Variants in TMEM207 observed in about 807,000 individuals in gnomAD.
TMEM207 encodes transmembrane protein 207.
In TMEM207, 15 loss-of-function variants were observed where a neutral mutation model predicts 17.4. The observed-to-expected ratio is 0.86, with a 90% confidence interval of 0.58 to 1.33. The LOEUF is 1.33. TMEM207 is among the 40% of genes most tolerant of loss of function. TMEM207 has a pLI of 0.00. For missense variants in TMEM207, 205 were observed against 173.8 expected, an observed-to-expected ratio of 1.18 and a Z score of -1.01; for synonymous variants, 70 against 65.6, an observed-to-expected ratio of 1.07 and a Z score of -0.33.
chr3:190,434,536 T>G (rs562900230), intron 4 of TMEM207, among the ~76,000 whole-genome samples: 99 of 152,316 alleles, frequency 6.5e-4, no homozygotes, highest in African/African-American at 2.3e-3. Flanking sequence ...CTATTTATTT[T>G]GTAAATCGCT....
At chr3:190,442,341 A>C (rs897470082) in intron 2 of TMEM207, among the ~76,000 whole-genome samples, 11 of 152,204 alleles carry the variant, frequency 7.2e-5, no homozygotes, top group Non-Finnish European at 8.8e-5. Flanking sequence ...ATACTTAATC[A>C]TATCTTCTTC....
intron 2 of TMEM207, among the ~76,000 whole-genome samples, chr3:190,441,722 A>G (rs1334894262): frequency 6.6e-6 from 1 of 152,222 alleles, no homozygotes; most frequent in Non-Finnish European, 1.5e-5. Flanking sequence ...AAACAGATAA[A>G]TGCATTATAA....
At chr3:190,431,351 T>C (rs919932508) in intron 4 of TMEM207, among the ~76,000 whole-genome samples, 4 of 152,114 alleles carry the variant, frequency 2.6e-5, no homozygotes. Flanking sequence ...ATTATTACAA[T>C]ATGTCAAGAG....
chr3:190,429,682 T>A lies in TMEM207; in HGVS notation c.354A>T (p.Gln118His), dbSNP rs1719647962. ...CAGGAACAGGATATAGGTCAGGGGT[T>A]TGAGTTTGAAGGTGAATTCCAACAG... ...SPTVGIHLQT[Q>H]TPDLYPVPAP... is the part of the protein sequence containing the mutation. Residue 118 changes from glutamine to histidine, a missense_variant, in exon 5 of 5, where the codon CAA (glutamine) becomes CAT (histidine). Gln to His is a conservative substitution (Grantham distance 24). Coordinates refer to ENST00000354905, the MANE Select transcript of TMEM207 (RefSeq NM_207316.3). The A allele has an allele frequency of 1.1e-5, 17 of 1,612,616 alleles. No homozygotes were observed. Among genetic ancestry groups the A allele is most frequent in the Non-Finnish European group, 1.4e-5 (17 of 1,179,338 alleles).
intron 4 of TMEM207, among the ~76,000 whole-genome samples, chr3:190,436,296 T>C (rs567845319): frequency 1.0e-3 from 158 of 152,352 alleles, no homozygotes; most frequent in Admixed American, 4.0e-3. Context: ...CCACATTCTG[T>C]ATTCAGTGGG....
In TMEM207 at chr3:190,449,736, T is replaced by G; in HGVS notation, c.74A>C (p.Gln25Pro). The G allele has an allele frequency of 6.2e-7, 1 of 1,613,720 alleles. No individual in the cohort carries two copies. Among genetic ancestry groups the G allele is most frequent in the African/African-American group, 1.3e-5 (1 of 75,014 alleles). Residue 25 changes from glutamine (Q) to proline (P), a missense_variant and splice_region_variant, in exon 1 of 5, where the codon CAG (glutamine) becomes CCG (proline). By Grantham distance (76) the Gln-to-Pro change is moderately conservative. Coordinates refer to ENST00000354905, the MANE Select transcript of TMEM207 (RefSeq NM_207316.3). ...TAACCCAGAAAGAGAGATAGTTACC[T>G]GGAATAGCGGCAAACACAAGATCCC... Reference protein sequence around the residue: ...TIGILCLPLFQLVLSDLPCEE... With the variant: ...TIGILCLPLFPLVLSDLPCEE...
Position 190,440,358 on chromosome 3 carries a change from G to C in TMEM207, c.190C>G (p.Leu64Val). 2 of 1,612,572 alleles carry C rather than the reference G, an allele frequency of 1.2e-6. No homozygotes were observed. Among genetic ancestry groups the C allele is most frequent in the Non-Finnish European group, 8.5e-7 (1 of 1,179,622 alleles). Reference sequence around the variant, plus strand: ...CAGAGGACCACAGCTCCACAGAGAAGAGCTGCCACCAAAACCAGCAGCAGG... The same window carrying C: ...CAGAGGACCACAGCTCCACAGAGAACAGCTGCCACCAAAACCAGCAGCAGG... ...ILLLLVLVAA[L>V]LCGAVVLCLQ... The change falls in exon 4 of 5, where the codon CTT (leucine) becomes GTT (valine). Residue 64 changes from leucine to valine, a missense_variant. By Grantham distance (32) the Leu-to-Val change is conservative. Coordinates refer to ENST00000354905, the MANE Select transcript of TMEM207 (RefSeq NM_207316.3).
At chr3:190,441,036 T>A (rs1052056781) in intron 3 of TMEM207, among the ~76,000 whole-genome samples, 2 of 151,888 alleles carry the variant, frequency 1.3e-5, no homozygotes, top group Admixed American at 1.3e-4. Flanking sequence ...GCCACTGCAC[T>A]GCAGCCTGGG....
chr3:190,432,877 G>A (rs796580981), intron 4 of TMEM207, among the ~76,000 whole-genome samples: 66 of 152,218 alleles, frequency 4.3e-4, no homozygotes, highest in African/African-American at 1.5e-3. Flanking sequence ...ATTATCAAGC[G>A]ATCAGCCCCA....
intron 3 of TMEM207, 81 bp from the exon 4 acceptor site, chr3:190,440,470 G>A: frequency 7.4e-7 from 1 of 1,359,182 alleles, no homozygotes; most frequent in Non-Finnish European, 9.9e-7. Flanking sequence ...CTAGAAGTGG[G>A]GTGAAGACTC....
rs760856253 is a variant in TMEM207 at position 190,429,656 on chromosome 3, G to T, written c.380C>A (p.Ala127Asp). The T allele has an allele frequency of 2.4e-5, 38 of 1,613,478 alleles. No individual in the cohort carries two copies. The East Asian group carries it at 7.4e-4, about 31-fold the overall frequency. Residue 127 changes from alanine to aspartate, a missense_variant, in exon 5 of 5, where the codon GCT becomes GAT. Physicochemically the swap from Ala to Asp is moderately radical, Grantham distance 126 (BLOSUM62 -2). Coordinates refer to ENST00000354905, the MANE Select transcript of TMEM207 (RefSeq NM_207316.3). The stretch of plus-strand genomic sequence containing the variant: ...GGAGCCTAAAGGGCCAAAACATGGA[G>T]CAGGAACAGGATATAGGTCAGGGGT... The part of the protein sequence containing the change: ...TQTPDLYPVP[A>D]PCFGPLGSPP...
intron 4 of TMEM207, 29 bp from the exon 5 acceptor site, chr3:190,429,760 T>A: frequency 6.4e-7 from 1 of 1,568,764 alleles, no homozygotes; most frequent in South Asian, 1.2e-5. Flanking sequence ...AGACTTGTAA[T>A]CTTTCTAGTG....
intron 2 of TMEM207, among the ~76,000 whole-genome samples, chr3:190,445,056 A>G (rs1720015446): frequency 6.6e-6 from 1 of 152,202 alleles, no homozygotes; most frequent in Non-Finnish European, 1.5e-5. Flanking sequence ...TGGATATACA[A>G]TATAACTTTG....
intron 4 of TMEM207, among the ~76,000 whole-genome samples, chr3:190,439,688 GT>G (rs1719886836): frequency 1.3e-5 from 2 of 152,136 alleles, no homozygotes; most frequent in South Asian, 4.1e-4. Flanking sequence ...GAAGGGCATG[GT>G]TTTGGGAGGG....
At chr3:190,440,423 T>TA in intron 3 of TMEM207, 34 bp from the exon 4 acceptor site, 1 of 1,589,358 alleles carries the variant, frequency 6.3e-7, no homozygotes, top group Non-Finnish European at 8.6e-7. Context: ...AAGAATGAGG[T>TA]AGAGTATGCA....
chr3:190,443,387 A>T (rs1423080394), intron 2 of TMEM207, among the ~76,000 whole-genome samples: 20 of 152,042 alleles, frequency 1.3e-4, no homozygotes. Flanking sequence ...CAATTTTCCA[A>T]ACCAACTTTA....
chr3:190,428,934 T>A lies in TMEM207; in HGVS notation c.*661A>T, dbSNP rs113169397. On this transcript the variant is annotated 3_prime_UTR_variant, in exon 5 of 5. Transcript: ENST00000354905. ...TTCATTACTGTAAAAGGGGAACTTT[T>A]CTTTTCTCCCCGTGTTGGCATTATA... 6.6e-6 allele frequency: 1 copy of A among 152,212 alleles called. No homozygotes were observed. The highest frequency in any genetic ancestry group is 1.5e-5 in the Non-Finnish European group (1 of 68,044). The allele number at this position is 152,212 out of a possible 1,614,324, so 9.4% of individuals were successfully genotyped here. A position where few individuals can be genotyped will look rare whatever the true frequency, so the allele number is the denominator to read the frequency against.
At chr3:190,445,962 C>G (rs1279624489) in intron 2 of TMEM207, among the ~76,000 whole-genome samples, 3 of 152,214 alleles carry the variant, frequency 2.0e-5, no homozygotes, top group African/African-American at 4.8e-5. Flanking sequence ...TGGCCTCTAC[C>G]TAGGCGATCC....
In TMEM207 at chr3:190,447,731, T is replaced by C. The variant is rs886178628; in HGVS notation, c.113+59A>G. The C allele has an allele frequency of 3.2e-6, 5 of 1,579,566 alleles. No individual in the cohort carries two copies. In the African/African-American group the frequency reaches 5.4e-5, roughly 17 times the overall value. ...TTTTTCTAATGGCTTGAGCCTTTTT[T>C]ATACTTTGAATTTTTTAAATGCGAA... On this transcript the variant is annotated intron_variant, in intron 2 of 4. Transcript: ENST00000354905.
Sources: allele counts gnomAD v4.1 joint callset (sites outside exome capture counted in the v4.1 genomes callset), GRCh38; gene constraint gnomAD v4.1.1; transcripts MANE v1.5; gene names NCBI Gene and HGNC (gene_info 2026-07-23, HGNC 2026-07-21).